Variants in P3H3 observed in about 807,000 individuals in gnomAD.
P3H3 encodes the protein gene rich cluster, B.
In P3H3, 64 loss-of-function variants were observed where a neutral mutation model predicts 78.1. That is an observed-to-expected ratio of 0.82 (90% CI 0.67 to 1.01). P3H3 has a LOEUF of 1.01. Ranked by LOEUF, P3H3 falls within the 50% of genes least tolerant of loss-of-function variation. P3H3 has a pLI of 0.00. For synonymous variants in P3H3, 425 were observed against 416.7 expected, an observed-to-expected ratio of 1.02 and a Z score of -0.24; for missense variants, 975 against 982.2, an observed-to-expected ratio of 0.99 and a Z score of 0.10.
At position 6,837,828 on chromosome 12, in the gene P3H3, C is replaced by G; in HGVS notation, c.1808C>G (p.Ala603Gly). Residue 603 changes from alanine to glycine, a missense_variant, in exon 12 of 15, where the codon GCC (alanine) becomes GGC (glycine). By Grantham distance (60) the Ala-to-Gly change is moderately conservative. Transcript: ENST00000290510. ...DTGECWREPP[A>G]YTYRDYSGLL... Reference sequence around the variant, plus strand: ...GGAGAGTGCTGGCGGGAGCCCCCAGCCTACACCTATCGGGACTACAGGTGG... The same window carrying G: ...GGAGAGTGCTGGCGGGAGCCCCCAGGCTACACCTATCGGGACTACAGGTGG... 1 of 1,611,698 alleles carries G rather than the reference C, an allele frequency of 6.2e-7. No homozygotes were observed. The highest frequency in any genetic ancestry group is 8.5e-7 in the Non-Finnish European group (1 of 1,178,976).
intron 10 of P3H3, 110 bp from the exon 11 acceptor site, chr12:6,837,313 A>T: frequency 7.0e-7 from 1 of 1,434,648 alleles, no homozygotes; most frequent in South Asian, 1.3e-5. Context: ...CTGGATGCTG[A>T]CAGACTCCAA....
chr12:6,835,912 G>A (rs1221698608), intron 9 of P3H3, among the ~76,000 whole-genome samples: 4 of 152,050 alleles, frequency 2.6e-5, no homozygotes, highest in Admixed American at 1.3e-4. Context: ...AGAAAGACCC[G>A]GAAAAGGGGA....
rs781921561 is a variant in P3H3, at chr12:6,837,031, C to T, written c.1505C>T (p.Ser502Phe). 4.2e-5 allele frequency: 68 copies of T among 1,608,766 alleles called. No homozygotes were observed. The highest frequency in any genetic ancestry group is 5.5e-5 in the Non-Finnish European group (65 of 1,179,814). ...AGGTCTGGCTATCGTGGTCGCCGCT[C>T]CCCTCACACCCCCCATGAACGCTTC... The part of the protein sequence containing the change: ...GARSGYRGRR[S>F]PHTPHERFEG... The change falls in exon 10 of 15, where the codon TCC becomes TTC. Residue 502 changes from serine to phenylalanine, a missense_variant. By Grantham distance (155) the Ser-to-Phe change is radical. Coordinates refer to ENST00000290510, the MANE Select transcript of P3H3 (RefSeq NM_014262.5).
At chr12:6,830,229 C>A (rs1476653296) in intron 2 of P3H3, 124 bp from the exon 3 acceptor site, 5 of 1,069,580 alleles carry the variant, frequency 4.7e-6, no homozygotes, top group Non-Finnish European at 5.5e-6. Context: ...CACCCTTATT[C>A]TTCTCCACGG....
Position 6,828,829 on chromosome 12 carries a change from C to G in P3H3, c.389C>G (p.Ala130Gly). 8.0e-7 allele frequency: 1 copy of G among 1,242,560 alleles called. No individual in the cohort carries two copies. The highest frequency in any genetic ancestry group is 1.5e-5 in the African/African-American group (1 of 64,544). 77.0% of individuals were successfully genotyped at this position (1,242,560 alleles called of 1,614,324 possible). ...RRADCLTQCA[A>G]RRLGPGGAAR... ...GCAGACTGCCTGACCCAGTGCGCAGCACGGAGGCTGGGCCCCGGGGGCGCG... is the reference window on the plus strand; with the variant it reads ...GCAGACTGCCTGACCCAGTGCGCAGGACGGAGGCTGGGCCCCGGGGGCGCG... The change falls in exon 1 of 15, where the codon GCA (alanine) becomes GGA (glycine). Residue 130 changes from alanine to glycine, a missense_variant. Physicochemically the swap from Ala to Gly is moderately conservative, Grantham distance 60. Transcript: ENST00000290510.
chr12:6,831,564 G>A lies in P3H3; in HGVS notation c.1122+212G>A, dbSNP rs1260575664. On this transcript the variant is annotated intron_variant, in intron 5 of 14. Transcript: ENST00000290510. This position sits in a 1 kb window ranked among gnomAD's most constrained non-coding sequence, Gnocchi z 4.6. ...TCCAGCCCTCAGCCCCGTCTCTCTT[G>A]CCTTTACTTCACTCCTGCCTGCCAC... is the stretch of plus-strand genomic sequence containing the variant. Among the ~76,000 whole-genome samples the A allele has an allele frequency of 6.6e-6, 1 of 152,002 alleles. No individual in the cohort carries two copies. The highest frequency in any genetic ancestry group is 1.5e-5 in the Non-Finnish European group (1 of 67,992).
At position 6,833,738 on chromosome 12, in the gene P3H3, T is replaced by A. The variant is rs781971726; in HGVS notation, c.1266-4T>A. 1.4e-5 allele frequency: 22 copies of A among 1,607,214 alleles called. No individual in the cohort carries two copies. The highest frequency in any genetic ancestry group is 1.8e-5 in the Non-Finnish European group (21 of 1,173,974). ...ACCCACTGAGCGCATCTCTCACCCC[T>A]GAGAGAGGATCAAGAGAAGAGGCCT... On this transcript the variant is annotated splice_polypyrimidine_tract_variant and splice_region_variant and intron_variant, in intron 7 of 14. Coordinates refer to ENST00000290510, the MANE Select transcript of P3H3 (RefSeq NM_014262.5).
rs781900476 is a variant in P3H3 at position 6,834,016 on chromosome 12, A to G, written c.1425A>G (p.Pro475=). The stretch of plus-strand genomic sequence containing the variant: ...CGGTGTTGGATGGGCTGCTCACCCC[A>G]GCCGAGTGTGGGGTGCTGCTGCAGC... The part of the protein sequence containing the change: ...ERAVLDGLLT[P]AECGVLLQLA... The change falls in exon 9 of 15, where the codon CCA becomes CCG. Residue 475 remains proline, a synonymous_variant. Coordinates refer to ENST00000290510, the MANE Select transcript of P3H3 (RefSeq NM_014262.5). The G allele has an allele frequency of 1.2e-6, 2 of 1,613,782 alleles. No homozygotes were observed. The highest frequency in any genetic ancestry group is 1.1e-5 in the South Asian group (1 of 91,084).
At position 6,837,762 on chromosome 12, in the gene P3H3, A is replaced by G. The variant is rs1591582843; in HGVS notation, c.1742A>G (p.His581Arg). 1 of 1,613,132 alleles carries G rather than the reference A, an allele frequency of 6.2e-7. No individual in the cohort carries two copies. The highest frequency in any genetic ancestry group is 8.5e-7 in the Non-Finnish European group (1 of 1,179,586). Reference protein sequence around the residue: ...GEQEQRMDLSHPVHADNCVLD... With the variant: ...GEQEQRMDLSRPVHADNCVLD... ...CAAGAGCAGCGCATGGACCTGAGTC[A>G]CCCAGTGCACGCAGACAACTGCGTC... Residue 581 changes from histidine (H) to arginine (R), a missense_variant, in exon 12 of 15, where the codon CAC becomes CGC. Physicochemically the swap from His to Arg is conservative, Grantham distance 29. Transcript: ENST00000290510.
chr12:6,839,610 G>A lies in P3H3; in HGVS notation c.*149G>A. The stretch of plus-strand genomic sequence containing the variant: ...CCCCCACCATCTTGGGGACCTACAA[G>A]GGCCTGGACTCAGAGGACAGTGCAC... On this transcript the variant is annotated 3_prime_UTR_variant, in exon 15 of 15. Coordinates refer to ENST00000290510, the MANE Select transcript of P3H3 (RefSeq NM_014262.5). 6.0e-6 allele frequency: 6 copies of A among 1,001,860 alleles called. No homozygotes were observed. Among genetic ancestry groups the A allele is most frequent in the Non-Finnish European group, 8.6e-6 (6 of 701,414 alleles). The allele number at this position is 1,001,860 out of a possible 1,614,324, so 62.1% of individuals were successfully genotyped here.
Position 6,831,345 on chromosome 12 carries a change from C to A in P3H3, c.1115C>A (p.Pro372His). 6.2e-7 allele frequency: 1 copy of A among 1,613,726 alleles called. No individual in the cohort carries two copies. The highest frequency in any genetic ancestry group is 8.5e-7 in the Non-Finnish European group (1 of 1,179,822). ...GGAGAGCCGAGACCTGGCCTCGGAC[C>A]CAGAGAGGTAATCCCCTCTCCACGC... ...QLGEPRPGLG[P>H]REDIQRFILR... The change falls in exon 5 of 15, where the codon CCC becomes CAC. Residue 372 changes from proline to histidine, a missense_variant. Transcript: ENST00000290510. The surrounding 1 kb of genome is among the most constrained non-coding windows in gnomAD (Gnocchi z 4.6).
rs782439731 is a variant in P3H3 at position 6,831,336 on chromosome 12, G to A, written c.1106G>A (p.Gly369Asp). Residue 369 changes from glycine (G) to aspartate (D), a missense_variant, in exon 5 of 15, where the codon GGC (glycine) becomes GAC (aspartate). By Grantham distance (94) the Gly-to-Asp change is moderately conservative. Coordinates refer to ENST00000290510, the MANE Select transcript of P3H3 (RefSeq NM_014262.5). The surrounding 1 kb of genome is among the most constrained non-coding windows in gnomAD (Gnocchi z 4.6). ...YQAQLGEPRP[G>D]LGPREDIQRF... Reference sequence around the variant, plus strand: ...GCCCAGCTGGGAGAGCCGAGACCTGGCCTCGGACCCAGAGAGGTAATCCCC... The same window carrying A: ...GCCCAGCTGGGAGAGCCGAGACCTGACCTCGGACCCAGAGAGGTAATCCCC... 1.2e-5 allele frequency: 19 copies of A among 1,613,830 alleles called. No individual in the cohort carries two copies. In the South Asian group the frequency reaches 1.9e-4, roughly 16 times the overall value.
At position 6,831,450 on chromosome 12, in the gene P3H3, C is replaced by A; in HGVS notation, c.1122+98C>A. ...CCCCACCCCCCGCTGGCCTCTTACC[C>A]GAGCACTCTAGTCACCCAAAGGACT... On this transcript the variant is annotated intron_variant, in intron 5 of 14. Coordinates refer to ENST00000290510, the MANE Select transcript of P3H3 (RefSeq NM_014262.5). The surrounding 1 kb of genome is among the most constrained non-coding windows in gnomAD (Gnocchi z 4.6). 2 of 1,510,852 alleles carry A rather than the reference C, an allele frequency of 1.3e-6. No individual in the cohort carries two copies. Among genetic ancestry groups the A allele is most frequent in the African/African-American group, 2.8e-5 (2 of 72,620 alleles). The allele number at this position is 1,510,852 out of a possible 1,614,324, so 93.6% of individuals were successfully genotyped here.
chr12:6,835,515 C>T (rs1195926717), intron 9 of P3H3, among the ~76,000 whole-genome samples: 1 of 151,666 alleles, frequency 6.6e-6, no homozygotes, highest in East Asian at 1.9e-4. Flanking sequence ...ACCCAGGAGG[C>T]GGAGGTCGCA....
rs1943471850 is a variant in P3H3, at chr12:6,833,857, TGCCA to T, written c.1333+51_1333+54del. The T allele has an allele frequency of 4.3e-6, 7 of 1,612,958 alleles. No individual in the cohort carries two copies. In the East Asian group the frequency reaches 1.6e-4, roughly 36 times the overall value. On this transcript the variant is annotated intron_variant, in intron 8 of 14. Transcript: ENST00000290510. Reference sequence around the variant, plus strand: ...GCAGGAGCCTGGAGGGTCTGGGGGCTGCCAGCTACTGCTCTGCCTGCCCTTAGGG... The same window carrying T: ...GCAGGAGCCTGGAGGGTCTGGGGGCTGCTACTGCTCTGCCTGCCCTTAGGG...
At position 6,829,956 on chromosome 12, in the gene P3H3, GA is replaced by G. The variant is rs1555121059; in HGVS notation, c.598del (p.Met200CysfsTer40). 1 of 1,614,010 alleles carries G rather than the reference GA, an allele frequency of 6.2e-7. No homozygotes were observed. Among genetic ancestry groups the G allele is most frequent in the East Asian group, 2.2e-5 (1 of 44,874 alleles). Reference sequence around the variant, plus strand: ...CGGGAGGACATGGCTAAGTACAGACGAATGTCGGGAGTTCGGCCCCAGAGCT... The same window carrying G: ...CGGGAGGACATGGCTAAGTACAGACGATGTCGGGAGTTCGGCCCCAGAGCT... ...QMREDMAKYR[R>X]MSGVRPQSFR... On this transcript the variant is annotated frameshift_variant, in exon 2 of 15. Transcript: ENST00000290510. LOFTEE classifies it high-confidence loss of function. The surrounding 1 kb of genome is among the most constrained non-coding windows in gnomAD (Gnocchi z 5.1).
chr12:6,833,090 G>A (rs1339185571), intron 6 of P3H3, among the ~76,000 whole-genome samples: 8 of 151,970 alleles, frequency 5.3e-5, no homozygotes, highest in East Asian at 2.0e-4. Context: ...CAGGAGAATC[G>A]CTTGAACCCA....
At position 6,828,485 on chromosome 12, in the gene P3H3, TCC is replaced by T; in HGVS notation, c.49_50del (p.Pro17GlyfsTer4). 7.8e-7 allele frequency: 1 copy of T among 1,278,114 alleles called. No individual in the cohort carries two copies. The highest frequency in any genetic ancestry group is 1.0e-6 in the Non-Finnish European group (1 of 957,506). The allele number at this position is 1,278,114 out of a possible 1,614,324, so 79.2% of individuals were successfully genotyped here. Reference protein sequence around the residue: ...RPLLLLLLLPPPGSPEPPGLT... With the variant: ...RPLLLLLLLPXPGSPEPPGLT... ...CGCTGCTGCTACTGCTGCTGCTGCC[TCC>T]CCCGGGGTCCCCTGAGCCCCCCGGC... On this transcript the variant is annotated frameshift_variant, in exon 1 of 15. Transcript: ENST00000290510. LOFTEE classifies it high-confidence loss of function.
At chr12:6,838,902 C>A in intron 13 of P3H3, 98 bp from the exon 14 acceptor site, 1 of 1,033,782 alleles carries the variant, frequency 9.7e-7, no homozygotes, top group Non-Finnish European at 1.4e-6. Context: ...GAGAGCTGAT[C>A]CTCTCTGTGC....
Sources: allele counts gnomAD v4.1 joint callset (sites outside exome capture counted in the v4.1 genomes callset), GRCh38; gene constraint gnomAD v4.1.1; non-coding constraint Gnocchi (gnomAD v3.1); transcripts MANE v1.5; gene names NCBI Gene and HGNC (gene_info 2026-07-23, HGNC 2026-07-21).